FHAD1: variants seen among roughly 807,000 people sequenced by gnomAD.
FHAD1 encodes forkhead associated phosphopeptide binding domain 1.
In FHAD1, 146 loss-of-function variants were observed where a neutral mutation model predicts 191.3. The ratio of observed to expected loss-of-function variants is 0.76; its 90% CI spans 0.67 to 0.88. FHAD1 has a LOEUF of 0.88. Ranked by LOEUF, FHAD1 falls within the 40% of genes least tolerant of loss-of-function variation. The probability of loss-of-function intolerance (pLI) is 0.00; values close to 1 mark genes in which losing one functional copy is unlikely to be tolerated. For synonymous variants in FHAD1, 616 were observed against 672.3 expected (o/e 0.92, Z 1.29); for missense variants, 1,635 against 1,785.8 (o/e 0.92, Z 1.52).
At chr1:15,383,219 C>T (rs1021735308) in intron 31 of FHAD1, 2 of 471,026 alleles carry the variant, frequency 4.2e-6, no homozygotes, top group Non-Finnish European at 8.8e-6. Flanking sequence ...TGCAGGCATC[C>T]CTCGCTATCT....
At chr1:15,362,820 G>A (rs1695239493) in intron 23 of FHAD1, 94 bp downstream of exon 23, 1 of 946,140 alleles carries the variant, frequency 1.1e-6, no homozygotes, top group African/African-American at 1.6e-5. Flanking sequence ...GGGCCACATT[G>A]TCAGAAGCCA....
Position 15,381,312 on chromosome 1 carries a change from C to G in FHAD1, c.3883C>G (p.Arg1295Gly). The change falls in exon 30 of 34, where the codon CGC (arginine) becomes GGC (glycine). Residue 1295 changes from arginine (R) to glycine (G), a missense_variant. Transcript: ENST00000688493. This position sits in a 1 kb window ranked among gnomAD's most constrained non-coding sequence, Gnocchi z 4.6. ...SGHVSMKYLS[R>G]QEREKVNQLR... ...CCACGTGTCCATGAAATACCTCTCCCGCCAGGAGAGGGAGAAGGTCAACCA... is the reference window on the plus strand; with the variant it reads ...CCACGTGTCCATGAAATACCTCTCCGGCCAGGAGAGGGAGAAGGTCAACCA... 1 of 1,551,350 alleles carries G rather than the reference C, an allele frequency of 6.4e-7. No individual in the cohort carries two copies. The highest frequency in any genetic ancestry group is 1.4e-5 in the African/African-American group (1 of 73,116).
chr1:15,278,423 A>G (rs1488337625), intron 3 of FHAD1, among the ~76,000 whole-genome samples: 1 of 151,830 alleles, frequency 6.6e-6, no homozygotes, highest in Non-Finnish European at 1.5e-5. Flanking sequence ...TTACTTAGTT[A>G]ACTGAGGAAT....
chr1:15,355,946 A>AC (rs1386858641), intron 20 of FHAD1, among the ~76,000 whole-genome samples: 1 of 152,022 alleles, frequency 6.6e-6, no homozygotes, highest in African/African-American at 2.4e-5. Flanking sequence ...GAAAAAAAAA[A>AC]AAAAACAGAA....
Position 15,301,348 on chromosome 1 carries a change from C to T in FHAD1, c.822C>T (p.Ser274=), listed in dbSNP as rs374819143. 3.2e-6 allele frequency: 5 copies of T among 1,551,608 alleles called. No individual in the cohort carries two copies. The African/African-American group carries it at 6.8e-5, about 21-fold the overall frequency. The part of the protein sequence containing the change: ...LSQKVSETTT[S]RQNEKEISQK... ...AGAAGGTGTCAGAGACCACCACCTC[C>T]AGGCAGAATGAGAAGGAGATCTCGC... is the stretch of plus-strand genomic sequence containing the variant. The change falls in exon 6 of 34, where the codon TCC becomes TCT. Residue 274 remains serine, a synonymous_variant. Transcript: ENST00000688493.
Position 15,316,988 on chromosome 1 carries a change from C to A in FHAD1, c.1260+521C>A, listed in dbSNP as rs1180963136. Among the ~76,000 whole-genome samples the A allele has an allele frequency of 6.6e-6, 1 of 152,154 alleles. No homozygotes were observed. The highest frequency in any genetic ancestry group is 2.4e-5 in the African/African-American group (1 of 41,448). ...ATTGCCTGAGCTCAGAGGTTCTAGA[C>A]CAGCCTGGGGAACACGGTGAAACCC... is the stretch of plus-strand genomic sequence containing the variant. On this transcript the variant is annotated intron_variant, in intron 9 of 33. Transcript: ENST00000688493. This position sits in a 1 kb window ranked among gnomAD's most constrained non-coding sequence, Gnocchi z 4.3.
chr1:15,282,457 T>A (rs886412382), intron 3 of FHAD1, among the ~76,000 whole-genome samples: 1 of 152,230 alleles, frequency 6.6e-6, no homozygotes, highest in Admixed American at 6.5e-5. Flanking sequence ...AACTCTTGTA[T>A]CCCTAGCCAA....
intron 32 of FHAD1, chr1:15,388,516 C>A: frequency 2.3e-6 from 1 of 435,104 alleles, no homozygotes; most frequent in Non-Finnish European, 3.4e-6. Flanking sequence ...AGGCAAGGTC[C>A]TAAGAGAAGA....
In FHAD1 at chr1:15,257,989, G is replaced by A. The variant is rs142198558; in HGVS notation, c.93+6112G>A. On this transcript the variant is annotated intron_variant, in intron 2 of 33. Transcript: ENST00000688493. ...CCTGAGTAGCTGGGATTATGGGCATGAGCCACCATGCCTGGCTAATTTTTG... is the reference window on the plus strand; with the variant it reads ...CCTGAGTAGCTGGGATTATGGGCATAAGCCACCATGCCTGGCTAATTTTTG... Among the ~76,000 whole-genome samples, 797 of 152,234 alleles carry A rather than the reference G, an allele frequency of 5.2e-3. 9 individuals are homozygous for A. The highest frequency in any genetic ancestry group is 0.019 in the African/African-American group (771 of 41,568).
At chr1:15,281,562 C>T (rs1195646038) in intron 3 of FHAD1, among the ~76,000 whole-genome samples, 1 of 151,900 alleles carries the variant, frequency 6.6e-6, no homozygotes, top group Non-Finnish European at 1.5e-5. Flanking sequence ...GAGTTTGACA[C>T]CAGTCTGACC....
At chr1:15,257,531 C>T (rs1369381946) in intron 2 of FHAD1, among the ~76,000 whole-genome samples, 5 of 152,206 alleles carry the variant, frequency 3.3e-5, no homozygotes, top group Non-Finnish European at 7.3e-5. Flanking sequence ...GTTCACCTTC[C>T]TGCCTCAGCT....
intron 33 of FHAD1, among the ~76,000 whole-genome samples, chr1:15,396,163 TA>T (rs963188527): frequency 2.1e-4 from 32 of 151,596 alleles, no homozygotes; most frequent in Admixed American, 2.1e-3. Flanking sequence ...TAAAATAAAA[TA>T]AAATAATTAG....
chr1:15,402,383 G>A (rs569807740), downstream of FHAD1, among the ~76,000 whole-genome samples: 7 of 152,080 alleles, frequency 4.6e-5, no homozygotes, highest in East Asian at 3.9e-4. Flanking sequence ...TGTGCACAAC[G>A]TGCAGGTTTG....
chr1:15,365,994 G>A (rs1342831149), intron 24 of FHAD1, 61 bp downstream of exon 24: 1 of 1,227,922 alleles, frequency 8.1e-7, no homozygotes. Context: ...AAGGAGATGA[G>A]GCTAAAGAGT....
chr1:15,356,976 T>C (rs568394577), intron 20 of FHAD1, among the ~76,000 whole-genome samples: 1 of 152,308 alleles, frequency 6.6e-6, no homozygotes, highest in Admixed American at 6.5e-5. Flanking sequence ...TGGAAGCCGA[T>C]TTCTTTTCTT....
chr1:15,369,630 A>G (rs1697521889), intron 26 of FHAD1, 128 bp downstream of exon 26: 4 of 1,105,578 alleles, frequency 3.6e-6, no homozygotes, highest in Admixed American at 2.5e-5. Flanking sequence ...TGAAATGTAT[A>G]AAGTAAATCG....
At position 15,383,998 on chromosome 1, in the gene FHAD1, A is replaced by ATG. The variant is rs757780252; in HGVS notation, c.4188+1820_4188+1821dup. On this transcript the variant is annotated intron_variant, in intron 31 of 33. Transcript: ENST00000688493. ...CATTCTCGTGTGTGTGTACATTCTC[A>ATG]TGTGTGTGTGTGTGTGCACATGTGT... 1.3e-3 allele frequency: 266 copies of ATG among 210,434 alleles called. 2 individuals carry two copies. Among genetic ancestry groups the ATG allele is most frequent in the African/African-American group, 5.5e-3 (99 of 18,078 alleles). The allele number at this position is 210,434 out of a possible 1,614,324, so 13.0% of individuals were successfully genotyped here.
chr1:15,374,868 T>TTTTTG (rs1699162862), intron 27 of FHAD1, among the ~76,000 whole-genome samples: 1 of 149,614 alleles, frequency 6.7e-6, no homozygotes, highest in Non-Finnish European at 1.5e-5. Context: ...TTGTTTGTTT[T>TTTTTG]TTTTTTTTGA....
At chr1:15,236,557 G>A (rs1315081508) in exon 1 of FHAD1, among the ~76,000 whole-genome samples, 2 of 152,204 alleles carry the variant, frequency 1.3e-5, no homozygotes, top group African/African-American at 4.8e-5. Flanking sequence ...GCCTTTGGGA[G>A]AATCTTAGGA....
Sources: allele counts gnomAD v4.1 joint callset (sites outside exome capture counted in the v4.1 genomes callset), GRCh38; gene constraint gnomAD v4.1.1; non-coding constraint Gnocchi (gnomAD v3.1); transcripts MANE v1.5; gene names NCBI Gene and HGNC (gene_info 2026-07-23, HGNC 2026-07-21).